MGAT4C: variants seen among roughly 807,000 people sequenced by gnomAD.
MGAT4C encodes the protein MGAT4 family member C.
MGAT4C carries 19 observed loss-of-function variants against 40.1 expected under a neutral mutation model. The observed-to-expected ratio is 0.47, with a 90% CI of 0.33 to 0.70. The LOEUF (loss-of-function observed/expected upper bound fraction) is 0.70. Among genes scored for constraint, MGAT4C ranks in the 30% least tolerant of loss-of-function variants. The pLI, the probability that MGAT4C is intolerant of heterozygous loss-of-function variation, is 0.02. For missense variants in MGAT4C, 491 were observed against 563.2 expected, an observed-to-expected ratio of 0.87 and a Z score of 1.30; for synonymous variants, 181 against 187.1, an observed-to-expected ratio of 0.97 and a Z score of 0.27.
chr12:86,766,354 C>T (rs898418954), intron 1 of MGAT4C, among the ~76,000 whole-genome samples: 1 of 151,954 alleles, frequency 6.6e-6, no homozygotes, highest in Non-Finnish European at 1.5e-5. Flanking sequence ...ACAGGAGCAC[C>T]CAGATTCATA....
At chr12:86,514,377 C>T (rs1209711113) in intron 2 of MGAT4C, among the ~76,000 whole-genome samples, 1 of 152,018 alleles carries the variant, frequency 6.6e-6, no homozygotes. Flanking sequence ...TAAAATGACA[C>T]GAGTTTATTA....
intron 1 of MGAT4C, among the ~76,000 whole-genome samples, chr12:86,205,326 ATAGT>A (rs10566416): frequency 0.68 from 101,791 of 150,688 alleles, 34,662 homozygotes; most frequent in South Asian, 0.76. Flanking sequence ...CTTGAAAATT[ATAGT>A]TAGTTTTAAA....
At position 86,571,701 on chromosome 12, in the gene MGAT4C, T is replaced by G. The variant is rs73389866; in HGVS notation, c.-228-136436A>C. On this transcript the variant is annotated intron_variant, in intron 2 of 7. Coordinates refer to the MGAT4C transcript ENST00000548651. ...ATAGATTATAAGCTTTAATCCTACC[T>G]TAGCATGGATAATGGAGAGTTAACT... 3.3e-3 allele frequency among the ~76,000 whole-genome samples: 496 copies of G among 152,250 alleles called. 2 individuals are homozygous for G. Among genetic ancestry groups the G allele is most frequent in the African/African-American group, 0.012 (483 of 41,574 alleles).
Position 86,104,862 on chromosome 12 carries a change from AT to A in MGAT4C, c.-56-55140del, listed in dbSNP as rs11369515. Among the ~76,000 whole-genome samples the A allele has an allele frequency of 2.6e-5, 4 of 151,018 alleles. No individual in the cohort carries two copies. The South Asian group carries it at 6.3e-4, about 24-fold the overall frequency. On this transcript the variant is annotated intron_variant, in intron 1 of 4. Coordinates refer to ENST00000611864, the MANE Select transcript of MGAT4C (RefSeq NM_001351288.2). ...AATTCAAAATTACACGGCAAACCTG[AT>A]TTTTTTTTAACAGACCGTGTTCCTG...
chr12:86,299,652 T>A (rs1229665658), intron 4 of MGAT4C, among the ~76,000 whole-genome samples: 1 of 152,166 alleles, frequency 6.6e-6, no homozygotes, highest in Non-Finnish European at 1.5e-5. Flanking sequence ...TTATATAATA[T>A]TTAATGTAAA....
intron 4 of MGAT4C, among the ~76,000 whole-genome samples, chr12:86,269,569 T>C (rs1952889778): frequency 6.6e-6 from 1 of 151,836 alleles, no homozygotes; most frequent in African/African-American, 2.4e-5. Flanking sequence ...TTTTGTTTTT[T>C]TTTTTCCTGG....
chr12:86,574,817 G>A (rs1037847337), intron 2 of MGAT4C, among the ~76,000 whole-genome samples: 1 of 151,708 alleles, frequency 6.6e-6, no homozygotes, highest in African/African-American at 2.4e-5. Context: ...TATTGGTGAT[G>A]AATTTGAGCA....
chr12:86,618,150 A>G, intron 2 of MGAT4C, among the ~76,000 whole-genome samples: 1 of 152,196 alleles, frequency 6.6e-6, no homozygotes, highest in East Asian at 1.9e-4. Context: ...CCAAGTTAGA[A>G]TTGCTATTAT....
intron 2 of MGAT4C, among the ~76,000 whole-genome samples, chr12:86,505,106 C>T (rs1006605938): frequency 1.3e-5 from 2 of 151,982 alleles, no homozygotes; most frequent in South Asian, 2.1e-4. Context: ...CCAGTGATAA[C>T]GCCTGGTTAA....
chr12:86,352,850 C>A lies in MGAT4C; in HGVS notation c.-119-18723G>T, dbSNP rs187399068. ...CATGGACACAGGAAGGGGAACATCA[C>A]ACTCCGGGGTCTGTTGTTGGGTGGG... is the stretch of plus-strand genomic sequence containing the variant. On this transcript the variant is annotated intron_variant, in intron 3 of 7. Transcript: ENST00000548651. Among the ~76,000 whole-genome samples, 1,012 of 148,854 alleles carry A rather than the reference C, an allele frequency of 6.8e-3. 9 individuals carry two copies. Among genetic ancestry groups the A allele is most frequent in the African/African-American group, 0.024 (966 of 40,496 alleles).
At chr12:86,240,041 A>T (rs200087454) in intron 1 of MGAT4C, among the ~76,000 whole-genome samples, 2 of 69,806 alleles carry the variant, frequency 2.9e-5, no homozygotes, top group Non-Finnish European at 5.8e-5. Context: ...AAAAAAAATA[A>T]AAAATAAAAT....
intron 2 of MGAT4C, among the ~76,000 whole-genome samples, chr12:86,613,080 A>T (rs1962338672): frequency 6.6e-6 from 1 of 152,172 alleles, no homozygotes; most frequent in Non-Finnish European, 1.5e-5. Context: ...TGTAAATGAT[A>T]TGTAAGTTAA....
chr12:86,765,853 A>C (rs1284960158), intron 1 of MGAT4C, among the ~76,000 whole-genome samples: 1 of 152,222 alleles, frequency 6.6e-6, no homozygotes, highest in East Asian at 1.9e-4. Flanking sequence ...GCCCTAAAAG[A>C]GCTCCTGAAG....
chr12:86,642,333 C>T (rs1350557925), intron 2 of MGAT4C, among the ~76,000 whole-genome samples: 1 of 151,742 alleles, frequency 6.6e-6, no homozygotes, highest in Non-Finnish European at 1.5e-5. Flanking sequence ...GCTTTTCATT[C>T]TTTTCCATTG....
At chr12:86,428,839 T>C (rs1956979825) in intron 3 of MGAT4C, among the ~76,000 whole-genome samples, 2 of 152,072 alleles carry the variant, frequency 1.3e-5, no homozygotes, top group South Asian at 4.1e-4. Flanking sequence ...TCTGATTTTA[T>C]TTGAGTTTTC....
intron 1 of MGAT4C, among the ~76,000 whole-genome samples, chr12:86,175,442 C>T (rs1887293577): frequency 6.6e-6 from 1 of 152,088 alleles, no homozygotes; most frequent in Non-Finnish European, 1.5e-5. Flanking sequence ...TATTTCAGAA[C>T]CTCATCAGTT....
intron 3 of MGAT4C, among the ~76,000 whole-genome samples, chr12:86,363,201 C>A (rs1955520797): frequency 1.3e-5 from 2 of 151,890 alleles, no homozygotes; most frequent in South Asian, 4.1e-4. Flanking sequence ...CCAACAGTTG[C>A]AGAATACATA....
intron 3 of MGAT4C, among the ~76,000 whole-genome samples, chr12:86,373,754 A>G (rs1955767893): frequency 6.6e-6 from 1 of 152,050 alleles, no homozygotes; most frequent in South Asian, 2.1e-4. Context: ...GAAGGGGTCA[A>G]TAGGCAAAAG....
At chr12:86,185,519 C>T (rs1017012169) in intron 1 of MGAT4C, among the ~76,000 whole-genome samples, 1 of 152,044 alleles carries the variant, frequency 6.6e-6, no homozygotes, top group Non-Finnish European at 1.5e-5. Context: ...AGCATATGTT[C>T]TTTAAAAACA....
Sources: allele counts gnomAD v4.1 joint callset (sites outside exome capture counted in the v4.1 genomes callset), GRCh38; gene constraint gnomAD v4.1.1; transcripts MANE v1.5; gene names NCBI Gene and HGNC (gene_info 2026-07-23, HGNC 2026-07-21).